The following MACROD2 variants were observed in gnomAD, a reference collection of about 807,000 sequenced individuals.
The protein encoded by MACROD2 is mono-ADP ribosylhydrolase 2.
In MACROD2, 36 loss-of-function variants were observed where a neutral mutation model predicts 70.4. The ratio of observed to expected loss-of-function variants is 0.51; its 90% CI spans 0.39 to 0.68. The LOEUF (loss-of-function observed/expected upper bound fraction) is 0.68. Ranked by LOEUF, MACROD2 falls within the 30% of genes least tolerant of loss-of-function variation. The probability of loss-of-function intolerance (pLI) is 0.00; values close to 1 mark genes in which losing one functional copy is unlikely to be tolerated. For synonymous variants in MACROD2, 172 were observed against 178.8 expected (o/e 0.96, Z 0.30); for missense variants, 496 against 538.4 (o/e 0.92, Z 0.78).
At chr20:14,193,243 C>T (rs987690339) in intron 3 of MACROD2, among the ~76,000 whole-genome samples, 14 of 152,218 alleles carry the variant, frequency 9.2e-5, no homozygotes, top group African/African-American at 3.4e-4. Context: ...GCTTCAGCCT[C>T]TTGCCTAATC....
intron 8 of MACROD2, among the ~76,000 whole-genome samples, chr20:15,625,225 A>G (rs1398354108): frequency 6.6e-6 from 1 of 152,216 alleles, no homozygotes; most frequent in Non-Finnish European, 1.5e-5. Context: ...AAAGAGAAGC[A>G]TCCAAGTGTA....
chr20:14,583,830 C>T (rs182644191), intron 4 of MACROD2, among the ~76,000 whole-genome samples: 56 of 152,188 alleles, frequency 3.7e-4, no homozygotes, highest in African/African-American at 8.4e-4. Flanking sequence ...ATAGAGAAGA[C>T]GAGAAAGAGA....
chr20:14,787,623 A>G (rs938560308), intron 5 of MACROD2, among the ~76,000 whole-genome samples: 1 of 152,140 alleles, frequency 6.6e-6, no homozygotes. Context: ...CTGTCTGTAG[A>G]GTAAGTACAG....
intron 4 of MACROD2, among the ~76,000 whole-genome samples, chr20:14,601,998 C>A (rs1982528987): frequency 6.6e-6 from 1 of 152,182 alleles, no homozygotes; most frequent in Non-Finnish European, 1.5e-5. Flanking sequence ...CTCCTTGACG[C>A]TCAAAGCTTC....
At chr20:15,596,189 C>T (rs1600646407) in intron 8 of MACROD2, among the ~76,000 whole-genome samples, 1 of 152,292 alleles carries the variant, frequency 6.6e-6, no homozygotes, top group African/African-American at 2.4e-5. Flanking sequence ...GTTTTAGTAT[C>T]TTGTTGGCTT....
rs189411839 is a variant in MACROD2 at position 14,088,198 on chromosome 20, G to A, written c.271+2470G>A. On this transcript the variant is annotated intron_variant, in intron 3 of 17. Coordinates refer to ENST00000684519, the MANE Select transcript of MACROD2 (RefSeq NM_001351661.2). Reference sequence around the variant, plus strand: ...TCAAAAATTAGCCAGGCGTGGTGGCGTGTGCCTGTAAGTCCCAGCTACTCG... The same window carrying A: ...TCAAAAATTAGCCAGGCGTGGTGGCATGTGCCTGTAAGTCCCAGCTACTCG... Among the ~76,000 whole-genome samples, 344 of 151,844 alleles carry A rather than the reference G, an allele frequency of 2.3e-3. 5 individuals are homozygous for A. Among genetic ancestry groups the A allele is most frequent in the African/African-American group, 7.9e-3 (329 of 41,446 alleles).
chr20:14,331,397 G>A (rs2082835771), intron 3 of MACROD2, among the ~76,000 whole-genome samples: 1 of 152,034 alleles, frequency 6.6e-6, no homozygotes. Flanking sequence ...TCTCTATTCT[G>A]TTTGATATGC....
At chr20:15,065,163 C>G (rs1194940840) in intron 5 of MACROD2, among the ~76,000 whole-genome samples, 2 of 152,204 alleles carry the variant, frequency 1.3e-5, no homozygotes, top group East Asian at 3.8e-4. Context: ...TAGACCACCT[C>G]TTCAGATTTC....
chr20:15,424,938 C>T (rs2046278180), intron 6 of MACROD2, among the ~76,000 whole-genome samples: 1 of 152,188 alleles, frequency 6.6e-6, no homozygotes, highest in East Asian at 1.9e-4. Flanking sequence ...CCTTGACTTT[C>T]AGCTAACCAA....
chr20:15,027,439 C>A (rs1466792055), intron 5 of MACROD2, among the ~76,000 whole-genome samples: 1 of 152,030 alleles, frequency 6.6e-6, no homozygotes, highest in Non-Finnish European at 1.5e-5. Flanking sequence ...GGTCTGGAGC[C>A]AAATGGCTGT....
rs1425007979 is a variant in MACROD2 at position 14,981,409 on chromosome 20, C to T, written c.419-248531C>T. ...AAGCCTTACTGTAATTCCAATCATA[C>T]GTGTGTGTGTATATATGTATATGTA... On this transcript the variant is annotated intron_variant, in intron 5 of 17. Coordinates refer to ENST00000684519, the MANE Select transcript of MACROD2 (RefSeq NM_001351661.2). Among the ~76,000 whole-genome samples, 9 of 142,272 alleles carry T rather than the reference C, an allele frequency of 6.3e-5. No homozygotes were observed. The East Asian group carries it at 8.3e-4, about 13-fold the overall frequency. 93.3% of individuals were successfully genotyped at this position (142,272 alleles called of 152,430 possible). A position where few individuals can be genotyped will look rare whatever the true frequency, so the allele number is the denominator to read the frequency against.
At chr20:14,389,037 C>G (rs2083497192) in intron 3 of MACROD2, among the ~76,000 whole-genome samples, 2 of 151,880 alleles carry the variant, frequency 1.3e-5, no homozygotes. Context: ...TCCACCATAC[C>G]CAGCTAATTT....
intron 8 of MACROD2, among the ~76,000 whole-genome samples, chr20:15,549,507 T>C (rs2146584000): frequency 6.6e-6 from 1 of 152,364 alleles, no homozygotes; most frequent in South Asian, 2.1e-4. Flanking sequence ...ATATACCAAA[T>C]GTATACATCT....
intron 9 of MACROD2, among the ~76,000 whole-genome samples, chr20:15,879,945 A>T (rs1033177577): frequency 6.6e-6 from 1 of 152,042 alleles, no homozygotes; most frequent in Non-Finnish European, 1.5e-5. Context: ...CAGGAAAAAA[A>T]CCCCAATGGC....
intron 10 of MACROD2, among the ~76,000 whole-genome samples, chr20:15,918,744 G>A (rs1284942628): frequency 1.3e-5 from 2 of 152,196 alleles, no homozygotes; most frequent in African/African-American, 2.4e-5. Context: ...TTCTCCTGCA[G>A]TCTGCCTTAC....
At chr20:14,751,422 T>G (rs35698676) in intron 5 of MACROD2, among the ~76,000 whole-genome samples, 1 of 152,138 alleles carries the variant, frequency 6.6e-6, no homozygotes, top group Non-Finnish European at 1.5e-5. Flanking sequence ...CATTACTCTG[T>G]CTCTTTTCTT....
intron 8 of MACROD2, among the ~76,000 whole-genome samples, chr20:15,540,188 T>G (rs1429571336): frequency 6.6e-6 from 1 of 152,198 alleles, no homozygotes; most frequent in Non-Finnish European, 1.5e-5. Context: ...ACTAAAATAT[T>G]GCTTGAATGT....
intron 8 of MACROD2, among the ~76,000 whole-genome samples, chr20:15,802,977 A>AAAACCTGAACAATAATGAGTAATGAGATT (rs2063739426): frequency 2.0e-5 from 3 of 152,150 alleles, no homozygotes; most frequent in Non-Finnish European, 4.4e-5. Flanking sequence ...GAAGAAATAG[A>AAAACCTGAACAATAATGAGTAATGAGATT]AAACCTGAAC....
chr20:14,858,770 G>A (rs914673460), intron 5 of MACROD2, among the ~76,000 whole-genome samples: 85 of 152,164 alleles, frequency 5.6e-4, no homozygotes, highest in African/African-American at 2.0e-3. Context: ...ATTCCACTTC[G>A]TAGCAATGCG....
Sources: allele counts gnomAD v4.1 joint callset (sites outside exome capture counted in the v4.1 genomes callset), GRCh38; gene constraint gnomAD v4.1.1; transcripts MANE v1.5; gene names NCBI Gene and HGNC (gene_info 2026-07-23, HGNC 2026-07-21).